AMBRA1: variants seen among roughly 807,000 people sequenced by gnomAD.
The protein encoded by AMBRA1 is activating molecule in BECN1-regulated autophagy protein 1.
AMBRA1 carries 47 observed loss-of-function variants against 125.4 expected under a neutral mutation model. The observed-to-expected ratio is 0.37, with a 90% CI of 0.30 to 0.48. The LOEUF (loss-of-function observed/expected upper bound fraction) is 0.48, where lower values mean the gene tolerates loss of function less well. AMBRA1 is among the 20% of genes least tolerant of loss of function. The pLI is 0.99. For missense variants in AMBRA1, 1,331 were observed against 1,693.4 expected, an observed-to-expected ratio of 0.79 and a Z score of 3.76; for synonymous variants, 626 against 655.5, an observed-to-expected ratio of 0.95 and a Z score of 0.69.
intron 12 of AMBRA1, among the ~76,000 whole-genome samples, chr11:46,442,615 T>C (rs758786146): frequency 2.6e-5 from 4 of 152,074 alleles, no homozygotes; most frequent in East Asian, 1.9e-4. Context: ...GTGATTCCAA[T>C]AGAACAACTG....
At chr11:46,485,665 A>G (rs1950242792) in intron 11 of AMBRA1, among the ~76,000 whole-genome samples, 2 of 152,256 alleles carry the variant, frequency 1.3e-5, no homozygotes, top group South Asian at 4.1e-4. Context: ...TAAGGTGACA[A>G]TACAGAAAGG....
chr11:46,548,548 G>C, intron 1 of AMBRA1, 48 bp from the exon 2 acceptor site: 1 of 707,238 alleles, frequency 1.4e-6, no homozygotes, highest in Non-Finnish European at 2.2e-6. Context: ...GCAACGAGAA[G>C]CTTCTAATTG....
At chr11:46,434,335 C>A (rs540722236) in intron 13 of AMBRA1, among the ~76,000 whole-genome samples, 6 of 150,920 alleles carry the variant, frequency 4.0e-5, no homozygotes, top group East Asian at 1.9e-4. Flanking sequence ...AAAAAAAAAA[C>A]AAAAAACACT....
At chr11:46,541,837 T>C (rs1591070017) in intron 7 of AMBRA1, 108 bp downstream of exon 7, 3 of 1,428,882 alleles carry the variant, frequency 2.1e-6, no homozygotes, top group South Asian at 1.3e-5. Context: ...CAGAAGCAGA[T>C]GCGTGGGTCC....
intron 7 of AMBRA1, among the ~76,000 whole-genome samples, chr11:46,520,740 C>T (rs1209337497): frequency 6.6e-5 from 10 of 151,224 alleles, no homozygotes; most frequent in African/African-American, 2.2e-4. Flanking sequence ...GGACTACAGG[C>T]GCCCACCACC....
intron 12 of AMBRA1, among the ~76,000 whole-genome samples, chr11:46,440,349 C>T (rs1947943018): frequency 1.3e-5 from 2 of 152,118 alleles, no homozygotes; most frequent in Admixed American, 1.3e-4. Context: ...AGCATGCTAC[C>T]ATTTGGGTTA....
At chr11:46,431,020 C>T (rs1397681945) in intron 14 of AMBRA1, among the ~76,000 whole-genome samples, 1 of 152,216 alleles carries the variant, frequency 6.6e-6, no homozygotes, top group Non-Finnish European at 1.5e-5. Flanking sequence ...TTCCCTTCCA[C>T]CAATCACTGA....
At chr11:46,400,039 C>T (rs1249686202) in intron 17 of AMBRA1, among the ~76,000 whole-genome samples, 1 of 152,120 alleles carries the variant, frequency 6.6e-6, no homozygotes. Context: ...GTCAACGGTG[C>T]CTGTTGTGAT....
chr11:46,465,730 G>C (rs772172842), intron 11 of AMBRA1, among the ~76,000 whole-genome samples: 2 of 152,178 alleles, frequency 1.3e-5, no homozygotes, highest in African/African-American at 2.4e-5. Flanking sequence ...AAAGGAAAAA[G>C]GTTCATCCAT....
chr11:46,462,163 C>A (rs1018747171), intron 11 of AMBRA1, among the ~76,000 whole-genome samples: 1 of 152,136 alleles, frequency 6.6e-6, no homozygotes, highest in African/African-American at 2.4e-5. Context: ...CATGCATCTC[C>A]CAGAAAACCC....
chr11:46,445,882 T>C (rs147106613), intron 11 of AMBRA1, among the ~76,000 whole-genome samples: 71 of 152,312 alleles, frequency 4.7e-4, no homozygotes, highest in African/African-American at 1.5e-3. Flanking sequence ...AAAAACAAAC[T>C]TCATATTTTA....
At chr11:46,418,522 G>T (rs1386098611) in intron 14 of AMBRA1, among the ~76,000 whole-genome samples, 7 of 151,606 alleles carry the variant, frequency 4.6e-5, no homozygotes, top group Admixed American at 2.0e-4. Flanking sequence ...GTCACATTAG[G>T]TATATCTTCT....
At chr11:46,488,126 C>T (rs1427535577) in intron 11 of AMBRA1, among the ~76,000 whole-genome samples, 3 of 152,152 alleles carry the variant, frequency 2.0e-5, no homozygotes, top group South Asian at 2.1e-4. Flanking sequence ...CATATGTGCA[C>T]CTAATGACAA....
chr11:46,431,779 C>T (rs1261407968), intron 14 of AMBRA1, among the ~76,000 whole-genome samples: 1 of 152,218 alleles, frequency 6.6e-6, no homozygotes, highest in African/African-American at 2.4e-5. Flanking sequence ...TAAATGAAAA[C>T]TCAACTTCCA....
rs188090574 is a variant in AMBRA1, at chr11:46,422,192, G to C, written c.2977-4140C>G. On this transcript the variant is annotated intron_variant, in intron 14 of 17. Coordinates refer to ENST00000683756, the MANE Select transcript of AMBRA1 (RefSeq NM_001387011.1). ...ACCCAGCTGCTGATTCATGATTGAC[G>C]AGTCCTGGTTTCACCTGTCTCCACT... is the stretch of plus-strand genomic sequence containing the variant. Among the ~76,000 whole-genome samples the C allele has an allele frequency of 1.4e-3, 217 of 152,276 alleles. 1 individual carries two copies. The highest frequency in any genetic ancestry group is 0.01 in the Middle Eastern group (3 of 294).
intron 9 of AMBRA1, among the ~76,000 whole-genome samples, chr11:46,506,600 C>T (rs1951043483): frequency 6.6e-6 from 1 of 152,168 alleles, no homozygotes. Flanking sequence ...CCTGACCCGG[C>T]TATGTCAAGA....
intron 11 of AMBRA1, among the ~76,000 whole-genome samples, chr11:46,492,496 A>G (rs1950497931): frequency 1.3e-5 from 2 of 152,266 alleles, no homozygotes; most frequent in Non-Finnish European, 2.9e-5. Context: ...GATGCTTATT[A>G]AAGATACCTC....
At chr11:46,539,622 A>G (rs866073713) in intron 7 of AMBRA1, among the ~76,000 whole-genome samples, 78 of 152,278 alleles carry the variant, frequency 5.1e-4, no homozygotes, top group African/African-American at 1.8e-3. Context: ...ATCTTTAGTC[A>G]TGAAGACCAG....
In AMBRA1 at chr11:46,593,905, A is replaced by G; in HGVS notation, c.-198T>C. 2.5e-6 allele frequency: 1 copy of G among 398,544 alleles called. No individual in the cohort carries two copies. The highest frequency in any genetic ancestry group is 4.4e-6 in the Non-Finnish European group (1 of 226,066). The allele number at this position is 398,544 out of a possible 1,614,324, so 24.7% of individuals were successfully genotyped here. ...AGGGAAAAAGAAAGAGGAGACAGGA[A>G]TAAAGGAAGGGGTCCGTTCTACCGA... On this transcript the variant is annotated 5_prime_UTR_variant, in exon 1 of 18. Coordinates refer to ENST00000683756, the MANE Select transcript of AMBRA1 (RefSeq NM_001387011.1).
Sources: allele counts gnomAD v4.1 joint callset (sites outside exome capture counted in the v4.1 genomes callset), GRCh38; gene constraint gnomAD v4.1.1; transcripts MANE v1.5; gene names NCBI Gene and HGNC (gene_info 2026-07-23, HGNC 2026-07-21).